The following ZMYND8 variants were observed in gnomAD, a reference collection of about 807,000 sequenced individuals.
The protein encoded by ZMYND8 is MYND-type zinc finger-containing chromatin reader ZMYND8.
Under a neutral mutation model 140.8 loss-of-function variants are expected in ZMYND8, and 37 were observed. The observed-to-expected ratio is 0.26, with a 90% confidence interval of 0.20 to 0.35. The LOEUF (loss-of-function observed/expected upper bound fraction) is 0.35. Among genes scored for constraint, ZMYND8 ranks in the 10% least tolerant of loss-of-function variants. The probability of loss-of-function intolerance (pLI) is 1.00; values close to 1 mark genes in which losing one functional copy is unlikely to be tolerated. For synonymous variants in ZMYND8, 592 were observed against 597.1 expected, an observed-to-expected ratio of 0.99 and a Z score of 0.12; for missense variants, 1,068 against 1,570.0, an observed-to-expected ratio of 0.68 and a Z score of 5.40.
chr20:47,322,577 A>G (rs1379042753), intron 2 of ZMYND8, among the ~76,000 whole-genome samples: 1 of 151,276 alleles, frequency 6.6e-6, no homozygotes, highest in Non-Finnish European at 1.5e-5. Context: ...AGTAGCTGGG[A>G]CTACAGGCAC....
rs367723974 is a variant in ZMYND8, at chr20:47,221,389, T to C, written c.3342A>G (p.Gln1114=). Reference sequence around the variant, plus strand: ...CGCTGGCCGTTTCTGAAGGTGCTGATTGTGTGCTCGAGGAGCTCCCCTGGG... The same window carrying C: ...CGCTGGCCGTTTCTGAAGGTGCTGACTGTGTGCTCGAGGAGCTCCCCTGGG... ...KSSQGSSSST[Q]SAPSETASAS... Residue 1114 remains glutamine, a synonymous_variant, in exon 20 of 23, where the codon CAA becomes CAG. Coordinates refer to ENST00000471951, the MANE Select transcript of ZMYND8 (RefSeq NM_001281775.3). 1.9e-5 allele frequency: 30 copies of C among 1,614,090 alleles called. 1 individual carries two copies. The highest frequency in any genetic ancestry group is 7.7e-5 in the South Asian group (7 of 91,088).
chr20:47,341,990 G>A lies in ZMYND8; in HGVS notation c.85+5866C>T, dbSNP rs369551104. Among the ~76,000 whole-genome samples, 21 of 151,814 alleles carry A rather than the reference G, an allele frequency of 1.4e-4. No individual in the cohort carries two copies. The South Asian group carries it at 4.0e-3, about 29-fold the overall frequency. ...TGCACTCCAGCCTGGGTGACAGGGC[G>A]TGACTCCGTCTCAAAAAAAAAAAAT... On this transcript the variant is annotated intron_variant, in intron 2 of 22. Transcript: ENST00000471951.
chr20:47,243,395 A>G (rs1402664078), intron 14 of ZMYND8, among the ~76,000 whole-genome samples: 1 of 152,244 alleles, frequency 6.6e-6, no homozygotes, highest in Non-Finnish European at 1.5e-5. Context: ...TTTTAGAATC[A>G]TCTTCAGCTT....
At chr20:47,271,454 T>G (rs562002274) in intron 11 of ZMYND8, among the ~76,000 whole-genome samples, 4 of 152,220 alleles carry the variant, frequency 2.6e-5, no homozygotes, top group African/African-American at 9.6e-5. Context: ...TACACCCATA[T>G]GCACACAAAA....
At chr20:47,348,570 C>T (rs540414586) in intron 1 of ZMYND8, 191 of 153,464 alleles carry the variant, frequency 1.2e-3, no homozygotes, top group Non-Finnish European at 2.4e-3. Flanking sequence ...ACAGCAGGCA[C>T]GGCTTACTAC....
intron 4 of ZMYND8, among the ~76,000 whole-genome samples, chr20:47,297,158 A>T (rs76145456): frequency 2.6e-5 from 4 of 152,128 alleles, no homozygotes; most frequent in Non-Finnish European, 5.9e-5. Flanking sequence ...CAAACCCTAC[A>T]TATTTCTCCA....
intron 12 of ZMYND8, among the ~76,000 whole-genome samples, chr20:47,261,550 T>TATCATC (rs10563094): frequency 5.6e-4 from 67 of 118,702 alleles, no homozygotes; most frequent in East Asian, 4.7e-3. Context: ...AAAAAACAGT[T>TATCATC]ATCATCATCA....
rs377523415 is a variant in ZMYND8, at chr20:47,313,430, G to A, written c.86-3226C>T. Among the ~76,000 whole-genome samples the A allele has an allele frequency of 1.6e-4, 24 of 151,570 alleles. No individual in the cohort carries two copies. In the East Asian group the frequency reaches 2.1e-3, roughly 14 times the overall value. On this transcript the variant is annotated intron_variant, in intron 2 of 22. Transcript: ENST00000471951. ...AAAGTCAGGAGATCGAGACCATCCT[G>A]GCTAACATGGTGAAACCCCGTCTCT...
chr20:47,319,004 G>T, intron 2 of ZMYND8: 1 of 1,351,440 alleles, frequency 7.4e-7, no homozygotes, highest in Non-Finnish European at 9.8e-7. Flanking sequence ...TTGTTCAAAA[G>T]AGAACAGAGG....
intron 14 of ZMYND8, among the ~76,000 whole-genome samples, chr20:47,243,497 G>GT (rs960924177): frequency 1.3e-5 from 2 of 152,146 alleles, no homozygotes; most frequent in South Asian, 2.1e-4. Context: ...AACTAGAATG[G>GT]TTTTTTGTTT....
At chr20:47,348,002 T>A in intron 1 of ZMYND8, 76 bp from the exon 2 acceptor site, 1 of 1,429,856 alleles carries the variant, frequency 7.0e-7, no homozygotes. Flanking sequence ...TTGGAAGTTC[T>A]AGCAACAAAC....
At chr20:47,338,132 A>G (rs924817831) in intron 2 of ZMYND8, among the ~76,000 whole-genome samples, 4 of 152,100 alleles carry the variant, frequency 2.6e-5, no homozygotes, top group African/African-American at 7.2e-5. Context: ...TTGAGGACCC[A>G]TCTCTTTCCC....
chr20:47,214,398 C>T (rs1600847344), intron 21 of ZMYND8, among the ~76,000 whole-genome samples: 1 of 152,216 alleles, frequency 6.6e-6, no homozygotes, highest in African/African-American at 2.4e-5. Flanking sequence ...GACTGCAAAA[C>T]GCACTTTTTC....
intron 1 of ZMYND8, chr20:47,354,584 G>A (rs990455740): frequency 6.6e-6 from 1 of 152,162 alleles, no homozygotes; most frequent in African/African-American, 2.4e-5. Flanking sequence ...CTTAGAATGT[G>A]GTACGTTTCT....
At chr20:47,217,752 A>G (rs1000996171) in intron 21 of ZMYND8, among the ~76,000 whole-genome samples, 3 of 152,200 alleles carry the variant, frequency 2.0e-5, no homozygotes, top group Non-Finnish European at 2.9e-5. Context: ...GAAAAACATG[A>G]TAAGGTGTTC....
chr20:47,348,642 A>T (rs564806476), intron 1 of ZMYND8: 7 of 152,538 alleles, frequency 4.6e-5, no homozygotes, highest in Admixed American at 1.3e-4. Flanking sequence ...TTCAAAAGAC[A>T]AAGGCTAAGA....
At chr20:47,280,187 C>A (rs1164296633) in intron 10 of ZMYND8, among the ~76,000 whole-genome samples, 1 of 151,558 alleles carries the variant, frequency 6.6e-6, no homozygotes, top group Non-Finnish European at 1.5e-5. Flanking sequence ...ACTAAAACAT[C>A]CCAAGACCTC....
intron 11 of ZMYND8, 130 bp from the exon 12 acceptor site, chr20:47,262,558 C>A (rs909560349): frequency 1.6e-6 from 2 of 1,266,872 alleles, no homozygotes; most frequent in East Asian, 5.1e-5. Flanking sequence ...TACAGTATCA[C>A]GAATGGGGTG....
At chr20:47,216,320 C>G (rs926449780) in intron 21 of ZMYND8, among the ~76,000 whole-genome samples, 1 of 151,714 alleles carries the variant, frequency 6.6e-6, no homozygotes, top group Non-Finnish European at 1.5e-5. Context: ...ACAGTGAAAC[C>G]TTGTCTCTAT....
Sources: gnomAD v4.1 joint callset for allele counts (sites outside exome capture counted in the v4.1 genomes callset) on GRCh38, gnomAD v4.1.1 for gene constraint, MANE v1.5 for transcripts, NCBI Gene and HGNC (gene_info 2026-07-23, HGNC 2026-07-21) for gene names.